Variants in CDH13 observed in about 807,000 individuals in gnomAD.
CDH13 encodes the protein cadherin 13, also known as cadherin-13.
In CDH13, 24 loss-of-function variants were observed where a neutral mutation model predicts 63.8. The observed-to-expected ratio is 0.38, with a 90% CI of 0.27 to 0.53. The LOEUF is 0.53. Among genes scored for constraint, CDH13 ranks in the 20% least tolerant of loss-of-function variants. The pLI, the probability that CDH13 is intolerant of heterozygous loss-of-function variation, is 0.85. For missense variants in CDH13, 1,049 were observed against 903.1 expected (o/e 1.16, Z -2.07); for synonymous variants, 503 against 355.3 (o/e 1.42, Z -4.67).
chr16:83,350,557 A>AT (rs67418639), intron 6 of CDH13, among the ~76,000 whole-genome samples: 3 of 151,548 alleles, frequency 2.0e-5, no homozygotes, highest in Non-Finnish European at 2.9e-5. Context: ...AGTCCCTTTA[A>AT]TTTTTTTTTC....
At chr16:82,938,570 G>C (rs1457231579) in intron 2 of CDH13, among the ~76,000 whole-genome samples, 2 of 152,208 alleles carry the variant, frequency 1.3e-5, no homozygotes, top group Non-Finnish European at 2.9e-5. Context: ...CCGTTGTCCA[G>C]AGTCTAAGAC....
At position 83,645,194 on chromosome 16, in the gene CDH13, C is replaced by T. The variant is rs564662964; in HGVS notation, c.1102-25596C>T. Among the ~76,000 whole-genome samples, 27 of 152,330 alleles carry T rather than the reference C, an allele frequency of 1.8e-4. No individual in the cohort carries two copies. In the South Asian group the frequency reaches 4.3e-3, roughly 25 times the overall value. Reference sequence around the variant, plus strand: ...GGTTAAAGAAAAGGTGGTGTATACACAGGTGAAATACTATGCAGCCATAAA... The same window carrying T: ...GGTTAAAGAAAAGGTGGTGTATACATAGGTGAAATACTATGCAGCCATAAA... On this transcript the variant is annotated intron_variant, in intron 8 of 13. Coordinates refer to ENST00000567109, the MANE Select transcript of CDH13 (RefSeq NM_001257.5).
intron 4 of CDH13, among the ~76,000 whole-genome samples, chr16:83,138,866 G>A (rs1450220480): frequency 6.6e-6 from 1 of 152,106 alleles, no homozygotes; most frequent in Non-Finnish European, 1.5e-5. Flanking sequence ...TGGAAAGAGG[G>A]CACAGTGAAG....
At chr16:82,728,665 C>T (rs1191381760) in intron 1 of CDH13, among the ~76,000 whole-genome samples, 1 of 152,054 alleles carries the variant, frequency 6.6e-6, no homozygotes, top group South Asian at 2.1e-4. Context: ...TCTGGCTGAT[C>T]AGGGTGGGGG....
At chr16:83,353,287 A>G (rs377101340) in intron 6 of CDH13, among the ~76,000 whole-genome samples, 1 of 152,240 alleles carries the variant, frequency 6.6e-6, no homozygotes, top group East Asian at 1.9e-4. Context: ...CTCTGGTGAT[A>G]TCTCACACCG....
At chr16:83,748,857 C>G (rs1372489618) in intron 11 of CDH13, among the ~76,000 whole-genome samples, 1 of 152,212 alleles carries the variant, frequency 6.6e-6, no homozygotes, top group Admixed American at 6.5e-5. Flanking sequence ...AGGCAAAGTT[C>G]AAAGTGCCAC....
chr16:82,805,729 C>T lies in CDH13; in HGVS notation c.46-52633C>T, dbSNP rs545861830. On this transcript the variant is annotated intron_variant, in intron 1 of 13. Coordinates refer to ENST00000567109, the MANE Select transcript of CDH13 (RefSeq NM_001257.5). ...TGGTGATTTCTAATGGTGCTTTTGC[C>T]GAAGGAATTCTTAGGAGCATCCAAG... 7.8e-4 allele frequency among the ~76,000 whole-genome samples: 119 copies of T among 152,164 alleles called. 1 individual carries two copies. The Middle Eastern group carries it at 0.014, about 17-fold the overall frequency.
chr16:82,994,849 G>T (rs541997813), intron 2 of CDH13, among the ~76,000 whole-genome samples: 1 of 152,222 alleles, frequency 6.6e-6, no homozygotes, highest in South Asian at 2.1e-4. Flanking sequence ...GAGTAAAGTG[G>T]TTAAGAGAAT....
intron 2 of CDH13, chr16:82,953,939 C>T (rs1905664973): frequency 6.6e-6 from 1 of 152,112 alleles, no homozygotes; most frequent in African/African-American, 2.4e-5. Context: ...TTCTTCCTTC[C>T]AATAGACCTA....
intron 6 of CDH13, among the ~76,000 whole-genome samples, chr16:83,395,056 G>T (rs1176387564): frequency 6.6e-6 from 1 of 150,848 alleles, no homozygotes; most frequent in African/African-American, 2.4e-5. Flanking sequence ...CCTGAGACAA[G>T]AGAATTGCCT....
chr16:83,202,104 C>T (rs770699931), intron 4 of CDH13, among the ~76,000 whole-genome samples: 2 of 152,070 alleles, frequency 1.3e-5, no homozygotes, highest in Admixed American at 6.5e-5. Context: ...CTGAAAATGG[C>T]GGACTCGACT....
At chr16:83,007,362 C>T (rs1321278433) in intron 2 of CDH13, among the ~76,000 whole-genome samples, 2 of 152,194 alleles carry the variant, frequency 1.3e-5, no homozygotes, top group Non-Finnish European at 2.9e-5. Context: ...AACATGAAAC[C>T]CATTTCACAC....
At chr16:83,338,313 C>T (rs975647706) in intron 5 of CDH13, among the ~76,000 whole-genome samples, 3 of 152,114 alleles carry the variant, frequency 2.0e-5, no homozygotes, top group South Asian at 2.1e-4. Flanking sequence ...GACCAACTGT[C>T]AGCTGTAATA....
At chr16:83,199,562 C>A (rs976824083) in intron 4 of CDH13, among the ~76,000 whole-genome samples, 5 of 152,218 alleles carry the variant, frequency 3.3e-5, no homozygotes, top group African/African-American at 9.6e-5. Context: ...TAGCACAGTA[C>A]GTGGCCTGCA....
intron 10 of CDH13, among the ~76,000 whole-genome samples, chr16:83,690,991 G>C (rs934483466): frequency 5.3e-5 from 8 of 151,972 alleles, no homozygotes; most frequent in Non-Finnish European, 1.0e-4. Flanking sequence ...CAAAGTGCTG[G>C]GATAACAGGT....
intron 2 of CDH13, among the ~76,000 whole-genome samples, chr16:82,981,521 A>G (rs1169901320): frequency 6.6e-6 from 1 of 152,088 alleles, no homozygotes; most frequent in Non-Finnish European, 1.5e-5. Flanking sequence ...TTTCCTTGTT[A>G]GGGCTTAACC....
intron 1 of CDH13, among the ~76,000 whole-genome samples, chr16:82,706,234 A>C (rs749353604): frequency 5.9e-5 from 9 of 152,158 alleles, no homozygotes; most frequent in Non-Finnish European, 1.3e-4. Flanking sequence ...GATGCAAGGC[A>C]CTGGAAATAC....
At chr16:83,083,906 C>A (rs1451007443) in intron 3 of CDH13, among the ~76,000 whole-genome samples, 1 of 152,186 alleles carries the variant, frequency 6.6e-6, no homozygotes, top group Non-Finnish European at 1.5e-5. Flanking sequence ...TTTAAATAAT[C>A]AAGAAAGATA....
At chr16:83,488,715 C>G (rs892743667) in intron 7 of CDH13, among the ~76,000 whole-genome samples, 1 of 152,110 alleles carries the variant, frequency 6.6e-6, no homozygotes, top group Non-Finnish European at 1.5e-5. Flanking sequence ...ACCTCCACTT[C>G]CCAGGTTGAA....
Sources: gnomAD v4.1 joint callset for allele counts (sites outside exome capture counted in the v4.1 genomes callset) on GRCh38, gnomAD v4.1.1 for gene constraint, MANE v1.5 for transcripts, NCBI Gene and HGNC (gene_info 2026-07-23, HGNC 2026-07-21) for gene names.